Variants in LRRC63 observed in about 807,000 individuals in gnomAD.
LRRC63 encodes leucine rich repeat containing 63, also known as leucine-rich repeat-containing protein 63.
Under a neutral mutation model 49.5 loss-of-function variants are expected in LRRC63, and 40 were observed. The ratio of observed to expected loss-of-function variants is 0.81; its 90% CI spans 0.63 to 1.05. The LOEUF is 1.05. LRRC63 is among the 50% of genes least tolerant of loss of function. The pLI, the probability that LRRC63 is intolerant of heterozygous loss-of-function variation, is 0.00. For synonymous variants in LRRC63, 191 were observed against 221.1 expected, an observed-to-expected ratio of 0.86 and a Z score of 1.21; for missense variants, 636 against 663.1, an observed-to-expected ratio of 0.96 and a Z score of 0.45.
intron 7 of LRRC63, among the ~76,000 whole-genome samples, chr13:46,258,271 A>T (rs1390897772): frequency 6.6e-6 from 1 of 151,354 alleles, no homozygotes; most frequent in East Asian, 2.0e-4. Context: ...CTGGGATTAC[A>T]GGCATGCGCC....
intron 9 of LRRC63, 38 bp from the exon 10 acceptor site, chr13:46,276,552 A>C (rs983461204): frequency 1.3e-5 from 14 of 1,061,574 alleles, no homozygotes; most frequent in Middle Eastern, 6.8e-4. Flanking sequence ...TTTAGTAAAA[A>C]TTTATTAAAT....
chr13:46,266,658 C>T (rs1446716561), intron 8 of LRRC63, 75 bp from the exon 9 acceptor site: 4 of 1,270,374 alleles, frequency 3.1e-6, no homozygotes, highest in Non-Finnish European at 4.2e-6. Context: ...TTTTCATGAA[C>T]AATTGAGGCA....
intron 8 of LRRC63, among the ~76,000 whole-genome samples, chr13:46,265,480 G>C (rs1355421777): frequency 6.6e-6 from 1 of 152,184 alleles, no homozygotes; most frequent in East Asian, 1.9e-4. Flanking sequence ...TGTGGTGTCT[G>C]GTGAGGGCCC....
intron 7 of LRRC63, among the ~76,000 whole-genome samples, chr13:46,258,477 T>C (rs1464636065): frequency 1.3e-5 from 2 of 151,310 alleles, no homozygotes; most frequent in African/African-American, 4.8e-5. Flanking sequence ...AGAAAACTTA[T>C]ACTTGTCTTC....
In LRRC63 at chr13:46,262,010, A is replaced by C; in HGVS notation, c.1310+18A>C. On this transcript the variant is annotated intron_variant, in intron 8 of 9. Transcript: ENST00000595396. ...AAACTCAGGTATTTTGGAAGTACAC[A>C]GAAAGTTATATGCCCCTTAATTATA... 1 of 840,206 alleles carries C rather than the reference A, an allele frequency of 1.2e-6. No individual in the cohort carries two copies. Among genetic ancestry groups the C allele is most frequent in the Non-Finnish European group, 1.6e-6 (1 of 615,074 alleles). The allele number at this position is 840,206 out of a possible 1,614,324, so 52.0% of individuals were successfully genotyped here.
At chr13:46,276,818 G>A (rs998002572) in exon 10 of LRRC63, 19 of 191,468 alleles carry the variant, frequency 9.9e-5, no homozygotes, top group East Asian at 2.2e-4. Flanking sequence ...ATGATTTATC[G>A]TATGTGTGTG....
At chr13:46,228,790 A>C in intron 4 of LRRC63, 57 bp downstream of exon 4, 1 of 1,182,614 alleles carries the variant, frequency 8.5e-7, no homozygotes, top group Non-Finnish European at 1.2e-6. Context: ...TATATCTTTA[A>C]AAAATTATGG....
chr13:46,216,061 G>A (rs2046243224), intron 2 of LRRC63, among the ~76,000 whole-genome samples: 1 of 152,122 alleles, frequency 6.6e-6, no homozygotes. Flanking sequence ...GATGCCTCCA[G>A]CTTCGTTCTT....
At chr13:46,276,760 G>A (rs2047842617) in exon 10 of LRRC63, 2 of 1,221,650 alleles carry the variant, frequency 1.6e-6, no homozygotes, top group Middle Eastern at 3.1e-4. Flanking sequence ...GGTAGTCCTA[G>A]TAGAAGAATA....
At chr13:46,254,922 C>A (rs1566504927) in intron 7 of LRRC63, among the ~76,000 whole-genome samples, 1 of 152,100 alleles carries the variant, frequency 6.6e-6, no homozygotes, top group Non-Finnish European at 1.5e-5. Flanking sequence ...TCTGCAATAT[C>A]CTGAAAAAGT....
intron 9 of LRRC63, chr13:46,270,764 T>A: frequency 2.1e-6 from 1 of 483,572 alleles, no homozygotes; most frequent in Non-Finnish European, 3.8e-6. Context: ...CTTACCTTCG[T>A]TTCCCCTCTC....
At chr13:46,221,958 A>C (rs1475097259) in intron 2 of LRRC63, among the ~76,000 whole-genome samples, 2 of 152,234 alleles carry the variant, frequency 1.3e-5, no homozygotes, top group Non-Finnish European at 2.9e-5. Context: ...GCGTACAGTG[A>C]ACAGCTGATG....
At chr13:46,267,051 AGTGT>A (rs200269412) in intron 9 of LRRC63, 79 bp downstream of exon 9, 15,268 of 1,318,370 alleles carry the variant, frequency 0.012, 109 homozygotes, top group Non-Finnish European at 0.013. Context: ...CTTAGATGAC[AGTGT>A]CACTAACATG....
intron 6 of LRRC63, 134 bp from the exon 7 acceptor site, chr13:46,250,221 G>C (rs183048934): frequency 4.0e-6 from 3 of 744,432 alleles, no homozygotes; most frequent in Non-Finnish European, 6.3e-6. Flanking sequence ...GGTGTTTACT[G>C]AGTTACATGA....
At chr13:46,242,325 G>A (rs1354473000) in intron 5 of LRRC63, among the ~76,000 whole-genome samples, 1 of 152,134 alleles carries the variant, frequency 6.6e-6, no homozygotes, top group African/African-American at 2.4e-5. Context: ...AAGGTGGAGG[G>A]TGGGAAGAGG....
chr13:46,273,627 C>T (rs917647189), intron 9 of LRRC63, among the ~76,000 whole-genome samples: 18 of 138,228 alleles, frequency 1.3e-4, no homozygotes, highest in Non-Finnish European at 1.9e-4. Flanking sequence ...AAAAGAGTAG[C>T]GGTGGCTGGG....
chr13:46,223,625 G>A (rs568853758), intron 2 of LRRC63, among the ~76,000 whole-genome samples: 1 of 152,080 alleles, frequency 6.6e-6, no homozygotes, highest in Non-Finnish European at 1.5e-5. Context: ...GGAGGCCGAG[G>A]TGGGTGGATC....
chr13:46,262,126 C>G lies in LRRC63; in HGVS notation c.1310+134C>G, dbSNP rs549160909. The G allele has an allele frequency of 1.2e-4, 42 of 350,192 alleles. No homozygotes were observed. The Admixed American group carries it at 1.5e-3, about 12-fold the overall frequency. 21.7% of individuals were successfully genotyped at this position (350,192 alleles called of 1,614,324 possible). On this transcript the variant is annotated intron_variant, in intron 8 of 9. Coordinates refer to ENST00000595396, the Ensembl canonical transcript of LRRC63. The stretch of plus-strand genomic sequence containing the variant: ...TCTGTGAAGTACAAAGTTTACCAAA[C>G]ATGTAATTTGAATGATTGGTGTACA...
At chr13:46,263,576 G>A (rs1158182039) in intron 8 of LRRC63, among the ~76,000 whole-genome samples, 1 of 151,916 alleles carries the variant, frequency 6.6e-6, no homozygotes, top group Non-Finnish European at 1.5e-5. Flanking sequence ...CACCATGATG[G>A]TCTGTCTCCC....
Sources: allele counts gnomAD v4.1 joint callset (sites outside exome capture counted in the v4.1 genomes callset), GRCh38; gene constraint gnomAD v4.1.1; transcripts MANE v1.5; gene names NCBI Gene and HGNC (gene_info 2026-07-23, HGNC 2026-07-21).